Variants in SRPK2 observed in about 807,000 individuals in gnomAD.
The protein encoded by SRPK2 is SRSF protein kinase 2.
A neutral mutation model predicts 90.8 loss-of-function variants in SRPK2; 21 were observed. The observed-to-expected ratio is 0.23, with a 90% CI of 0.16 to 0.33. The LOEUF (loss-of-function observed/expected upper bound fraction) is 0.33, where lower values mean the gene tolerates loss of function less well. Ranked by LOEUF, SRPK2 falls within the 10% of genes least tolerant of loss-of-function variation. The pLI is 1.00. For missense variants in SRPK2, 620 were observed against 869.0 expected (o/e 0.71, Z 3.60); for synonymous variants, 288 against 311.1 (o/e 0.93, Z 0.78).
chr7:105,316,372 A>C (rs1812313460), intron 2 of SRPK2, among the ~76,000 whole-genome samples: 1 of 152,102 alleles, frequency 6.6e-6, no homozygotes, highest in Middle Eastern at 3.2e-3. Flanking sequence ...TATATTCACC[A>C]CTCAATCAAG....
chr7:105,335,904 C>T (rs572378198), intron 2 of SRPK2, among the ~76,000 whole-genome samples: 16 of 151,584 alleles, frequency 1.1e-4, no homozygotes, highest in Non-Finnish European at 2.1e-4. Flanking sequence ...TGCGGTGAGC[C>T]GAGGTCATGC....
At chr7:105,378,314 T>TATAC (rs1174431530) in intron 2 of SRPK2, among the ~76,000 whole-genome samples, 1 of 152,146 alleles carries the variant, frequency 6.6e-6, no homozygotes, top group Non-Finnish European at 1.5e-5. Flanking sequence ...ATACATAACT[T>TATAC]ATACATACAT....
At chr7:105,133,254 T>A in intron 11 of SRPK2, 150 bp from the exon 12 acceptor site, 1 of 746,598 alleles carries the variant, frequency 1.3e-6, no homozygotes, top group Non-Finnish European at 2.2e-6. Flanking sequence ...TTGACAGAAC[T>A]AAAATTGCTT....
Position 105,142,050 on chromosome 7 carries a change from T to C in SRPK2, c.1501A>G (p.Ser501Gly). Residue 501 changes from serine to glycine, a missense_variant, in exon 11 of 16, where the codon AGC (serine) becomes GGC (glycine). This residue lies in a region of SRPK2 where 243 missense variants were observed against 245.7 expected (regional missense o/e 0.99). Coordinates refer to ENST00000393651, the MANE Select transcript of SRPK2 (RefSeq NM_182692.3). ...QEESSPSHDR[S>G]RTVSASSTGD... ...GTACTGGAGGCTGAAACCGTTCTGCTTCTGTCATGGGATGGACTGCTCTCC... is the reference window on the plus strand; with the variant it reads ...GTACTGGAGGCTGAAACCGTTCTGCCTCTGTCATGGGATGGACTGCTCTCC... 1 of 1,613,906 alleles carries C rather than the reference T, an allele frequency of 6.2e-7. No homozygotes were observed. Among genetic ancestry groups the C allele is most frequent in the East Asian group, 2.2e-5 (1 of 44,864 alleles).
chr7:105,228,357 T>C (rs908135482), intron 2 of SRPK2, among the ~76,000 whole-genome samples: 1 of 152,182 alleles, frequency 6.6e-6, no homozygotes, highest in Non-Finnish European at 1.5e-5. Flanking sequence ...GCACATCAAC[T>C]CAACTTTCTG....
rs1422926825 is a variant in SRPK2 at position 105,328,730 on chromosome 7, C to T, written c.71+59918G>A. Reference sequence around the variant, plus strand: ...ATACAAAAAAATTAGCCGGGCATAGCGGCAGGCACCTGTAGTCCCAGCTAC... The same window carrying T: ...ATACAAAAAAATTAGCCGGGCATAGTGGCAGGCACCTGTAGTCCCAGCTAC... On this transcript the variant is annotated intron_variant, in intron 2 of 15. Transcript: ENST00000393651. 6.7e-5 allele frequency among the ~76,000 whole-genome samples: 10 copies of T among 149,986 alleles called. No individual in the cohort carries two copies. The East Asian group carries it at 1.2e-3, about 18-fold the overall frequency.
intron 3 of SRPK2, among the ~76,000 whole-genome samples, chr7:105,182,454 T>C (rs1264937376): frequency 1.2e-4 from 4 of 33,418 alleles, no homozygotes; most frequent in African/African-American, 2.2e-4. Flanking sequence ...CCCCCCCGCC[T>C]TTTTTTTTTT....
intron 2 of SRPK2, among the ~76,000 whole-genome samples, chr7:105,365,513 T>C (rs1220077317): frequency 7.3e-6 from 1 of 137,776 alleles, no homozygotes; most frequent in East Asian, 2.1e-4. Flanking sequence ...AAAAAAATTA[T>C]ATATATATAT....
intron 2 of SRPK2, among the ~76,000 whole-genome samples, chr7:105,294,353 T>C (rs1809492855): frequency 6.6e-6 from 1 of 152,184 alleles, no homozygotes; most frequent in Non-Finnish European, 1.5e-5. Flanking sequence ...ATGAATCCAA[T>C]AAAATTTTGT....
chr7:105,201,870 C>G (rs1795604887), intron 3 of SRPK2, among the ~76,000 whole-genome samples: 1 of 151,948 alleles, frequency 6.6e-6, no homozygotes, highest in African/African-American at 2.4e-5. Context: ...GGCAACAGAA[C>G]AAGACTGTCT....
At chr7:105,347,545 GGGAGGGGGAGGA>G (rs1340230708) in intron 2 of SRPK2, among the ~76,000 whole-genome samples, 7 of 152,000 alleles carry the variant, frequency 4.6e-5, no homozygotes, top group Non-Finnish European at 8.8e-5. Context: ...AAGAATGAGG[GGGAGGGGGAGGA>G]GGAGGAAGAA....
At chr7:105,242,363 T>G (rs769073118) in intron 2 of SRPK2, among the ~76,000 whole-genome samples, 12 of 151,950 alleles carry the variant, frequency 7.9e-5, no homozygotes, top group Non-Finnish European at 1.8e-4. Flanking sequence ...AATTCAAAAG[T>G]TATCCGGGGG....
At chr7:105,133,190 T>A (rs1802277601) in intron 11 of SRPK2, 86 bp from the exon 12 acceptor site, 8 of 1,242,118 alleles carry the variant, frequency 6.4e-6, no homozygotes, top group Non-Finnish European at 9.5e-6. Flanking sequence ...GTCAGTCTCC[T>A]TTCCTCAAGA....
chr7:105,184,773 C>T (rs922635009), intron 3 of SRPK2, among the ~76,000 whole-genome samples: 1 of 152,208 alleles, frequency 6.6e-6, no homozygotes, highest in Non-Finnish European at 1.5e-5. Flanking sequence ...TCTGGCCTAA[C>T]ATTTTGCTGC....
intron 2 of SRPK2, among the ~76,000 whole-genome samples, chr7:105,386,636 G>C (rs907083344): frequency 1.3e-5 from 2 of 152,188 alleles, no homozygotes; most frequent in Non-Finnish European, 2.9e-5. Context: ...AGAATCCCTT[G>C]AACCTGGGAG....
intron 3 of SRPK2, 75 bp from the exon 4 acceptor site, chr7:105,169,340 A>G: frequency 9.0e-7 from 1 of 1,109,726 alleles, no homozygotes; most frequent in Non-Finnish European, 1.3e-6. Flanking sequence ...CTCTTTTGTC[A>G]TTCTTGATGT....
chr7:105,285,917 A>G (rs1808041914), intron 2 of SRPK2, among the ~76,000 whole-genome samples: 1 of 152,248 alleles, frequency 6.6e-6, no homozygotes, highest in African/African-American at 2.4e-5. Flanking sequence ...CCTAATACAA[A>G]GTAGAAACAG....
At chr7:105,133,178 G>T in intron 11 of SRPK2, 74 bp from the exon 12 acceptor site, 1 of 1,372,618 alleles carries the variant, frequency 7.3e-7, no homozygotes, top group Non-Finnish European at 1.0e-6. Flanking sequence ...GTGTTTGCCA[G>T]GGTCAGTCTC....
At chr7:105,163,375 A>C (rs1018086099) in intron 6 of SRPK2, among the ~76,000 whole-genome samples, 3 of 152,212 alleles carry the variant, frequency 2.0e-5, no homozygotes, top group Non-Finnish European at 4.4e-5. Context: ...CTTTATGGTA[A>C]GTTTAAGGGG....
Sources: gnomAD v4.1 joint callset for allele counts (sites outside exome capture counted in the v4.1 genomes callset) on GRCh38, gnomAD v4.1.1 for gene constraint, gnomAD v4.1.1 regional missense constraint, MANE v1.5 for transcripts, NCBI Gene and HGNC (gene_info 2026-07-23, HGNC 2026-07-21) for gene names.